FYB1: variants seen among roughly 807,000 people sequenced by gnomAD.
FYB1 encodes the protein FYN-binding protein 1.
In FYB1, 41 loss-of-function variants were observed where a neutral mutation model predicts 94.1. The observed-to-expected ratio is 0.44, with a 90% CI of 0.34 to 0.57. FYB1 has a LOEUF of 0.57. Among genes scored for constraint, FYB1 ranks in the 20% least tolerant of loss-of-function variants. The pLI is 0.02. For missense variants in FYB1, 1,050 were observed against 976.8 expected (o/e 1.07, Z -1.00); for synonymous variants, 367 against 353.2 (o/e 1.04, Z -0.44).
intron 2 of FYB1, among the ~76,000 whole-genome samples, chr5:39,193,803 G>A (rs1238961058): frequency 6.6e-6 from 1 of 152,190 alleles, no homozygotes; most frequent in African/African-American, 2.4e-5. Context: ...AAAATGGAAC[G>A]GAATCTGGGT....
At chr5:39,217,472 A>T (rs111542904) in intron 1 of FYB1, among the ~76,000 whole-genome samples, 131 of 152,254 alleles carry the variant, frequency 8.6e-4, no homozygotes, top group African/African-American at 3.0e-3. Context: ...TTGCTCTTAA[A>T]AAACAGTCAC....
intron 17 of FYB1, among the ~76,000 whole-genome samples, chr5:39,109,565 G>A (rs1011761660): frequency 7.9e-5 from 12 of 152,052 alleles, no homozygotes; most frequent in Non-Finnish European, 2.9e-5. Context: ...GCCTTTACTA[G>A]TTTGCCAGCA....
intron 15 of FYB1, 51 bp downstream of exon 15, chr5:39,119,484 G>T: frequency 3.1e-6 from 4 of 1,290,730 alleles, no homozygotes; most frequent in Non-Finnish European, 2.1e-6. Flanking sequence ...AAAAATCATT[G>T]GATTTTTCAA....
intron 9 of FYB1, among the ~76,000 whole-genome samples, chr5:39,130,883 T>C (rs1415424372): frequency 6.6e-6 from 1 of 152,128 alleles, no homozygotes; most frequent in African/African-American, 2.4e-5. Context: ...GCTTTTGACA[T>C]TTTTGTATGA....
chr5:39,261,306 A>T (rs1579804328), intron 1 of FYB1, among the ~76,000 whole-genome samples: 1 of 30,066 alleles, frequency 3.3e-5, no homozygotes, highest in Non-Finnish European at 6.8e-5. Context: ...AAGTAGAATT[A>T]AAAAAAAAAA....
intron 1 of FYB1, among the ~76,000 whole-genome samples, chr5:39,204,514 C>T (rs552911729): frequency 1.3e-5 from 2 of 152,270 alleles, no homozygotes; most frequent in East Asian, 3.9e-4. Context: ...TATGTAGCAA[C>T]TCCAGGCCTT....
At chr5:39,223,396 T>C (rs2150558350), upstream of FYB1, among the ~76,000 whole-genome samples, 1 of 152,332 alleles carries the variant, frequency 6.6e-6, no homozygotes, top group East Asian at 1.9e-4. Context: ...GCATTATGTT[T>C]CTAAAGGAAA....
chr5:39,241,157 C>T (rs1645739), intron 1 of FYB1, among the ~76,000 whole-genome samples: 24,434 of 151,818 alleles, frequency 0.16, 5,217 homozygotes, highest in African/African-American at 0.47. Flanking sequence ...ATAGGGCCTA[C>T]TTGAGGATAG....
intron 2 of FYB1, chr5:39,170,190 G>C: frequency 1.2e-6 from 1 of 800,540 alleles, no homozygotes; most frequent in South Asian, 1.4e-5. Context: ...TTGAACTTCT[G>C]TGAAGTTCAG....
rs959005444 is a variant in FYB1 at position 39,201,939 on chromosome 5, G to A, written c.1022C>T (p.Thr341Ile). 6.2e-7 allele frequency: 1 copy of A among 1,614,034 alleles called. No homozygotes were observed. Among genetic ancestry groups the A allele is most frequent in the Admixed American group, 1.7e-5 (1 of 60,026 alleles). The change falls in exon 2 of 19, where the codon ACC (threonine) becomes ATC (isoleucine). Residue 341 changes from threonine to isoleucine, a missense_variant. Thr to Ile is a moderately conservative substitution (Grantham distance 89). Transcript: ENST00000512982. ...GGGAGGCAATGGCTTCTGTTTCGGG[G>A]TGGCTGAATTCTTGTCTCCCTTTTC... ...EKEKGDKNSA[T>I]PKQKPLPPLF...
chr5:39,245,218 G>A (rs930065950), intron 1 of FYB1, among the ~76,000 whole-genome samples: 1 of 152,128 alleles, frequency 6.6e-6, no homozygotes, highest in Non-Finnish European at 1.5e-5. Flanking sequence ...TTTCTTATCT[G>A]TATAGCAATC....
intron 2 of FYB1, among the ~76,000 whole-genome samples, chr5:39,198,389 G>T (rs1253989053): frequency 6.6e-6 from 1 of 152,010 alleles, no homozygotes; most frequent in Admixed American, 6.6e-5. Flanking sequence ...GTTTAAAATG[G>T]GTTCATTAAA....
intron 1 of FYB1, among the ~76,000 whole-genome samples, chr5:39,217,327 A>G (rs1749942943): frequency 6.6e-6 from 1 of 152,210 alleles, no homozygotes; most frequent in South Asian, 2.1e-4. Flanking sequence ...TTCATTTTAC[A>G]AAAAAGAAAC....
intron 1 of FYB1, among the ~76,000 whole-genome samples, chr5:39,209,761 C>T (rs1195611677): frequency 1.3e-5 from 2 of 152,206 alleles, no homozygotes; most frequent in Non-Finnish European, 2.9e-5. Context: ...CAGACACATC[C>T]CTGATCCTGG....
intron 4 of FYB1, among the ~76,000 whole-genome samples, chr5:39,140,890 T>C (rs1050096389): frequency 2.0e-5 from 3 of 152,178 alleles, no homozygotes; most frequent in African/African-American, 2.4e-5. Flanking sequence ...ACACATTAAA[T>C]ATGTTAGAAT....
At chr5:39,225,247 T>G (rs1750421847) in intron 1 of FYB1, among the ~76,000 whole-genome samples, 1 of 152,200 alleles carries the variant, frequency 6.6e-6, no homozygotes. Context: ...TATGTGTGTA[T>G]GGTGTGTATG....
At chr5:39,182,095 A>G (rs546925327) in intron 2 of FYB1, among the ~76,000 whole-genome samples, 55 of 146,836 alleles carry the variant, frequency 3.7e-4, no homozygotes, top group African/African-American at 1.1e-3. Context: ...TTTAGGCTTA[A>G]GCCCCAAGTC....
intron 1 of FYB1, among the ~76,000 whole-genome samples, chr5:39,249,179 G>C (rs1260440503): frequency 2.0e-5 from 3 of 151,916 alleles, no homozygotes; most frequent in African/African-American, 4.8e-5. Flanking sequence ...GGGGGCTATA[G>C]CAAGAGCCAA....
chr5:39,163,613 A>G (rs550316538), intron 2 of FYB1, among the ~76,000 whole-genome samples: 1 of 152,214 alleles, frequency 6.6e-6, no homozygotes, highest in Non-Finnish European at 1.5e-5. Context: ...TGAAAGGTAA[A>G]TTGTTTTTAT....
Sources: gnomAD v4.1 joint callset for allele counts (sites outside exome capture counted in the v4.1 genomes callset) on GRCh38, gnomAD v4.1.1 for gene constraint, MANE v1.5 for transcripts, NCBI Gene and HGNC (gene_info 2026-07-23, HGNC 2026-07-21) for gene names.